Variants in TAOK1 observed in about 807,000 individuals in gnomAD.
The protein encoded by TAOK1 is serine/threonine-protein kinase TAO1.
TAOK1 carries 21 observed loss-of-function variants against 138.3 expected under a neutral mutation model. The observed-to-expected ratio is 0.15, with a 90% CI of 0.11 to 0.22. The LOEUF is 0.22. Among genes scored for constraint, TAOK1 ranks in the 10% least tolerant of loss-of-function variants. The pLI, the probability that TAOK1 is intolerant of heterozygous loss-of-function variation, is 1.00. For missense variants in TAOK1, 651 were observed against 1,227.7 expected, an observed-to-expected ratio of 0.53 and a Z score of 7.02; for synonymous variants, 361 against 398.4, an observed-to-expected ratio of 0.91 and a Z score of 1.12.
chr17:29,508,292 T>A (rs916579452), intron 14 of TAOK1, among the ~76,000 whole-genome samples, 160 bp downstream of exon 14: 12 of 152,180 alleles, frequency 7.9e-5, no homozygotes, highest in Non-Finnish European at 1.6e-4. Context: ...TTCTGTAAAT[T>A]GATATTACAA....
At chr17:29,459,405 C>T (rs1310540606) in intron 2 of TAOK1, among the ~76,000 whole-genome samples, 2 of 152,030 alleles carry the variant, frequency 1.3e-5, no homozygotes. Context: ...TCTCAGCCTC[C>T]CGAGTAGCTG....
intron 1 of TAOK1, among the ~76,000 whole-genome samples, chr17:29,450,119 C>T (rs2030195530): frequency 6.6e-6 from 1 of 151,506 alleles, no homozygotes. Flanking sequence ...CAGGGTCTCT[C>T]TCTCTTGCCC....
intron 18 of TAOK1, among the ~76,000 whole-genome samples, chr17:29,532,215 TAAC>T (rs760653534): frequency 1.2e-4 from 19 of 152,250 alleles, no homozygotes; most frequent in Middle Eastern, 3.4e-3. Context: ...CTGTAAAAAA[TAAC>T]AACAAAACAG....
intron 1 of TAOK1, among the ~76,000 whole-genome samples, chr17:29,435,043 TTAGC>T (rs1182164596): frequency 2.0e-5 from 3 of 152,194 alleles, no homozygotes; most frequent in Admixed American, 1.3e-4. Context: ...TTGGCTTTGG[TTAGC>T]TCCCTTGGTC....
intron 1 of TAOK1, among the ~76,000 whole-genome samples, chr17:29,430,889 G>A (rs2153022615): frequency 6.6e-6 from 1 of 152,232 alleles, no homozygotes; most frequent in East Asian, 1.9e-4. Flanking sequence ...GATGGCCAGG[G>A]GTAGTATCTT....
intron 18 of TAOK1, among the ~76,000 whole-genome samples, chr17:29,532,590 A>T (rs1348750021): frequency 6.6e-6 from 1 of 152,268 alleles, no homozygotes; most frequent in East Asian, 1.9e-4. Context: ...AACAAAGCAC[A>T]TCTTGCACCG....
intron 1 of TAOK1, among the ~76,000 whole-genome samples, chr17:29,409,775 T>C (rs1173953485): frequency 6.6e-6 from 1 of 152,218 alleles, no homozygotes; most frequent in East Asian, 1.9e-4. Flanking sequence ...TTTTGAAATG[T>C]GTTTCATTCT....
At chr17:29,409,827 GTGTA>G (rs1206365533) in intron 1 of TAOK1, among the ~76,000 whole-genome samples, 2 of 152,114 alleles carry the variant, frequency 1.3e-5, no homozygotes, top group Non-Finnish European at 2.9e-5. Flanking sequence ...TTGTGAGAGG[GTGTA>G]TGTGTGTGTG....
chr17:29,468,906 C>G (rs2030746344), intron 3 of TAOK1, among the ~76,000 whole-genome samples: 1 of 152,068 alleles, frequency 6.6e-6, no homozygotes, highest in Admixed American at 6.6e-5. Context: ...AAACTTTAAT[C>G]AACATGAATG....
intron 18 of TAOK1, among the ~76,000 whole-genome samples, chr17:29,533,152 C>A (rs2032157600): frequency 6.6e-6 from 1 of 151,210 alleles, no homozygotes; most frequent in African/African-American, 2.4e-5. Context: ...ACGCTCCTCA[C>A]CTCCCAGATG....
At chr17:29,409,378 A>C (rs1180641194) in intron 1 of TAOK1, among the ~76,000 whole-genome samples, 1 of 129,416 alleles carries the variant, frequency 7.7e-6, no homozygotes, top group Non-Finnish European at 1.5e-5. Context: ...TCTGTTGCCC[A>C]GGCTGGAGTG....
chr17:29,543,108 G>T lies in TAOK1; in HGVS notation c.*86G>T. On this transcript the variant is annotated 3_prime_UTR_variant, in exon 20 of 20. Transcript: ENST00000261716. ...CATCATCACAGCAGCCTCCTCACTTGGGTACTACAGTGTGGAAGCTGAGTG... is the reference window on the plus strand; with the variant it reads ...CATCATCACAGCAGCCTCCTCACTTTGGTACTACAGTGTGGAAGCTGAGTG... 8.5e-7 allele frequency: 1 copy of T among 1,171,698 alleles called. No individual in the cohort carries two copies. The allele number at this position is 1,171,698 out of a possible 1,614,324, so 72.6% of individuals were successfully genotyped here.
chr17:29,411,097 T>G (rs895446675), intron 1 of TAOK1, among the ~76,000 whole-genome samples: 4 of 139,442 alleles, frequency 2.9e-5, no homozygotes, highest in African/African-American at 1.1e-4. Context: ...TGTTTTTTTT[T>G]TTTTTTTTTT....
At chr17:29,394,607 G>T (rs1201041995) in intron 1 of TAOK1, among the ~76,000 whole-genome samples, 4 of 152,022 alleles carry the variant, frequency 2.6e-5, no homozygotes, top group Non-Finnish European at 2.9e-5. Context: ...TTTGCATTTG[G>T]CTTATTTGTA....
In TAOK1 at chr17:29,547,612, C is replaced by A. The variant is rs1032587613; in HGVS notation, c.*4590C>A. On this transcript the variant is annotated 3_prime_UTR_variant, in exon 20 of 20. Coordinates refer to ENST00000261716, the MANE Select transcript of TAOK1 (RefSeq NM_020791.4). ...TCCTATAATGATGGAAGAAGAGGTT[C>A]TCTTGTCTTAGATAGAAAAGAGCCT... The A allele has an allele frequency of 6.6e-6, 1 of 152,030 alleles. No individual in the cohort carries two copies. The highest frequency in any genetic ancestry group is 1.5e-5 in the Non-Finnish European group (1 of 67,980). The allele number at this position is 152,030 out of a possible 1,614,324, so 9.4% of individuals were successfully genotyped here.
intron 14 of TAOK1, 44 bp downstream of exon 14, chr17:29,508,176 A>C: frequency 1.3e-6 from 2 of 1,534,396 alleles, no homozygotes; most frequent in Non-Finnish European, 9.0e-7. Context: ...TAGGTTTTGA[A>C]TGTCTCAGAA....
In TAOK1 at chr17:29,547,103, A is replaced by G. The variant is rs1337384730; in HGVS notation, c.*4081A>G. ...TGAACCATGGAAAGTAAGAACACTG[A>G]TGGTGATTCCTCTGCAAAGATGATA... is the stretch of plus-strand genomic sequence containing the variant. On this transcript the variant is annotated 3_prime_UTR_variant, in exon 20 of 20. Transcript: ENST00000261716. 3 of 152,174 alleles carry G rather than the reference A, an allele frequency of 2.0e-5. No individual in the cohort carries two copies. Among genetic ancestry groups the G allele is most frequent in the Non-Finnish European group, 2.9e-5 (2 of 68,006 alleles). The allele number at this position is 152,174 out of a possible 1,614,324, so 9.4% of individuals were successfully genotyped here.
chr17:29,405,884 T>G (rs1904977954), intron 1 of TAOK1, among the ~76,000 whole-genome samples: 1 of 152,154 alleles, frequency 6.6e-6, no homozygotes, highest in Non-Finnish European at 1.5e-5. Context: ...AGTGCAGCAT[T>G]CTAGGCAGTG....
chr17:29,504,531 G>A (rs748821338), intron 13 of TAOK1, among the ~76,000 whole-genome samples: 4 of 151,808 alleles, frequency 2.6e-5, no homozygotes, highest in African/African-American at 9.7e-5. Flanking sequence ...TTAGCTGGGC[G>A]TGATGGCGGG....
Sources: allele counts gnomAD v4.1 joint callset (sites outside exome capture counted in the v4.1 genomes callset), GRCh38; gene constraint gnomAD v4.1.1; transcripts MANE v1.5; gene names NCBI Gene and HGNC (gene_info 2026-07-23, HGNC 2026-07-21).